The following PTPRN2 variants were observed in gnomAD, a reference collection of about 807,000 sequenced individuals.
The protein encoded by PTPRN2 is receptor-type tyrosine-protein phosphatase N2.
A neutral mutation model predicts 118.8 loss-of-function variants in PTPRN2; 74 were observed. The observed-to-expected ratio is 0.62, with a 90% confidence interval of 0.52 to 0.76. The LOEUF (loss-of-function observed/expected upper bound fraction) is 0.76. PTPRN2 is among the 30% of genes least tolerant of loss of function. The pLI is 0.00. For missense variants in PTPRN2, 1,481 were observed against 1,394.4 expected, an observed-to-expected ratio of 1.06 and a Z score of -0.99; for synonymous variants, 641 against 608.0, an observed-to-expected ratio of 1.05 and a Z score of -0.80.
intron 11 of PTPRN2, among the ~76,000 whole-genome samples, chr7:158,031,281 C>T (rs1005796080): frequency 6.6e-6 from 1 of 152,184 alleles, no homozygotes; most frequent in Non-Finnish European, 1.5e-5. Context: ...GAGGTCATGA[C>T]TTTTGCACCT....
At chr7:157,736,861 A>G (rs79558753) in intron 12 of PTPRN2, among the ~76,000 whole-genome samples, 5,878 of 152,254 alleles carry the variant, frequency 0.039, 228 homozygotes, top group East Asian at 0.13. Context: ...GCCCGGCTGG[A>G]CACATATTGG....
intron 3 of PTPRN2, among the ~76,000 whole-genome samples, chr7:158,251,508 A>G (rs955823373): frequency 1.4e-5 from 2 of 142,974 alleles, no homozygotes; most frequent in Non-Finnish European, 3.0e-5. Context: ...GCAGGTGTGC[A>G]ATGGATGTAT....
In PTPRN2 at chr7:157,987,686, C is replaced by T. The variant is rs1164794202; in HGVS notation, c.1724-88949G>A. On this transcript the variant is annotated intron_variant, in intron 11 of 22. Transcript: ENST00000389418. This position sits in a 1 kb window ranked among gnomAD's most constrained non-coding sequence, Gnocchi z 4.3. ...TCCTCGGGCCTGTCCTAAATGCTAT[C>T]AGTCTTTCTCTAGAGATGGGGCAGT... Among the ~76,000 whole-genome samples the T allele has an allele frequency of 6.6e-6, 1 of 152,144 alleles. No homozygotes were observed. Among genetic ancestry groups the T allele is most frequent in the Admixed American group, 6.5e-5 (1 of 15,290 alleles).
At chr7:157,796,480 C>G (rs1804875162) in intron 12 of PTPRN2, among the ~76,000 whole-genome samples, 1 of 152,220 alleles carries the variant, frequency 6.6e-6, no homozygotes, top group Non-Finnish European at 1.5e-5. Flanking sequence ...CCATGGAAGC[C>G]ACTGTCCTCA....
intron 3 of PTPRN2, among the ~76,000 whole-genome samples, chr7:158,281,786 T>A (rs1050669619): frequency 1.3e-5 from 2 of 152,190 alleles, no homozygotes; most frequent in Non-Finnish European, 2.9e-5. Context: ...AGAAAGGAAG[T>A]TTCTTGACAA....
chr7:158,106,359 A>G (rs1431922777), intron 10 of PTPRN2, among the ~76,000 whole-genome samples: 2 of 151,538 alleles, frequency 1.3e-5, no homozygotes, highest in African/African-American at 2.4e-5. Context: ...CTCTCTCTTG[A>G]GTTCCATCCC....
At chr7:157,963,194 C>T (rs1801665630) in intron 11 of PTPRN2, among the ~76,000 whole-genome samples, 1 of 152,244 alleles carries the variant, frequency 6.6e-6, no homozygotes, top group African/African-American at 2.4e-5. Flanking sequence ...TCAGGTGGAC[C>T]TGCAGTCAGA....
chr7:158,244,480 A>G (rs1796071721), intron 3 of PTPRN2, among the ~76,000 whole-genome samples: 1 of 152,132 alleles, frequency 6.6e-6, no homozygotes, highest in Non-Finnish European at 1.5e-5. Flanking sequence ...TGAGCTGTGC[A>G]TAAGCTATGA....
intron 3 of PTPRN2, among the ~76,000 whole-genome samples, chr7:158,262,449 AC>A (rs1426130248): frequency 6.7e-6 from 1 of 148,866 alleles, no homozygotes; most frequent in Non-Finnish European, 1.5e-5. Context: ...CACACACTGC[AC>A]ACGCAGATTC....
intron 10 of PTPRN2, among the ~76,000 whole-genome samples, chr7:158,109,158 C>T (rs924434793): frequency 7.3e-5 from 11 of 150,774 alleles, no homozygotes; most frequent in African/African-American, 2.7e-4. Flanking sequence ...AATGACATCA[C>T]CCCATGTGTG....
chr7:158,316,374 T>C (rs796897059), intron 3 of PTPRN2, among the ~76,000 whole-genome samples: 39 of 152,312 alleles, frequency 2.6e-4, no homozygotes, highest in African/African-American at 9.4e-4. Flanking sequence ...CATGTTGCCA[T>C]ATATAATTTT....
At chr7:157,558,031 A>G (rs899448039) in intron 21 of PTPRN2, among the ~76,000 whole-genome samples, 1 of 117,968 alleles carries the variant, frequency 8.5e-6, no homozygotes, top group African/African-American at 3.2e-5. Context: ...GGCAGCATCA[A>G]CGCGGAGACA....
intron 3 of PTPRN2, among the ~76,000 whole-genome samples, chr7:158,288,566 C>T (rs1362833950): frequency 6.6e-6 from 1 of 152,140 alleles, no homozygotes; most frequent in Non-Finnish European, 1.5e-5. Flanking sequence ...TTTAAAATCT[C>T]TACACATTTA....
chr7:158,540,994 T>C (rs1825957924), intron 1 of PTPRN2, among the ~76,000 whole-genome samples: 1 of 152,190 alleles, frequency 6.6e-6, no homozygotes, highest in Non-Finnish European at 1.5e-5. Flanking sequence ...GAATCCACTT[T>C]TTTGCAGACG....
intron 2 of PTPRN2, among the ~76,000 whole-genome samples, chr7:158,403,073 GCT>G (rs1813072585): frequency 1.3e-5 from 2 of 152,118 alleles, no homozygotes; most frequent in South Asian, 4.1e-4. Flanking sequence ...GTTCATTCTC[GCT>G]CTGTTTGGAG....
chr7:158,121,074 C>T (rs62480205), intron 9 of PTPRN2, among the ~76,000 whole-genome samples: 1 of 152,164 alleles, frequency 6.6e-6, no homozygotes, highest in Non-Finnish European at 1.5e-5. Context: ...TCCTTCCTCC[C>T]GGCTCCTGTG....
At chr7:158,126,116 G>A (rs1319545165) in intron 9 of PTPRN2, among the ~76,000 whole-genome samples, 3 of 110,648 alleles carry the variant, frequency 2.7e-5, no homozygotes, top group Admixed American at 8.4e-5. Context: ...AGCGGGCGGC[G>A]GAACTTCCTC....
At chr7:158,388,615 CACTT>C (rs1236938550) in intron 2 of PTPRN2, among the ~76,000 whole-genome samples, 7 of 152,210 alleles carry the variant, frequency 4.6e-5, no homozygotes, top group African/African-American at 1.7e-4. Context: ...ATGAACCTCT[CACTT>C]AGTTCTCTAT....
intron 19 of PTPRN2, among the ~76,000 whole-genome samples, chr7:157,575,636 C>A (rs1359433391): frequency 2.0e-5 from 3 of 152,188 alleles, no homozygotes; most frequent in African/African-American, 7.2e-5. Context: ...ACAGAGAATT[C>A]AAAAATCGCT....
Sources: allele counts gnomAD v4.1 joint callset (sites outside exome capture counted in the v4.1 genomes callset), GRCh38; gene constraint gnomAD v4.1.1; non-coding constraint Gnocchi (gnomAD v3.1); transcripts MANE v1.5; gene names NCBI Gene and HGNC (gene_info 2026-07-23, HGNC 2026-07-21).